The following ZMAT4 variants were observed in gnomAD, a reference collection of about 807,000 sequenced individuals.
ZMAT4 encodes zinc finger matrin-type protein 4.
ZMAT4 carries 17 observed loss-of-function variants against 28.7 expected under a neutral mutation model. That is an observed-to-expected ratio of 0.59 (90% CI 0.41 to 0.89). ZMAT4 has a LOEUF of 0.89. Ranked by LOEUF, ZMAT4 falls within the 40% of genes least tolerant of loss-of-function variation. ZMAT4 has a pLI of 0.00. For synonymous variants in ZMAT4, 117 were observed against 109.2 expected (o/e 1.07, Z -0.44); for missense variants, 240 against 283.8 (o/e 0.85, Z 1.11).
intron 4 of ZMAT4, 50 bp downstream of exon 4, chr8:40,697,195 C>G: frequency 6.6e-7 from 1 of 1,516,286 alleles, no homozygotes. Flanking sequence ...GCAAGACAGG[C>G]CAGCACTTGG....
chr8:40,634,710 C>T (rs1806726759), intron 5 of ZMAT4, among the ~76,000 whole-genome samples: 1 of 152,114 alleles, frequency 6.6e-6, no homozygotes, highest in Non-Finnish European at 1.5e-5. Flanking sequence ...GATCTTAAGA[C>T]CAATTACCTT....
intron 5 of ZMAT4, among the ~76,000 whole-genome samples, chr8:40,668,403 G>A (rs1291771484): frequency 6.6e-6 from 1 of 150,454 alleles, no homozygotes; most frequent in Non-Finnish European, 1.5e-5. Flanking sequence ...CCAGGAGGCG[G>A]AGGTTGCAGT....
At chr8:40,753,716 C>T (rs562809725) in intron 3 of ZMAT4, among the ~76,000 whole-genome samples, 2 of 152,250 alleles carry the variant, frequency 1.3e-5, no homozygotes, top group East Asian at 3.9e-4. Flanking sequence ...GTTCTAGAGC[C>T]AAACAGTATT....
At chr8:40,729,783 G>C (rs1260886226) in intron 3 of ZMAT4, among the ~76,000 whole-genome samples, 2 of 152,022 alleles carry the variant, frequency 1.3e-5, no homozygotes, top group African/African-American at 4.8e-5. Context: ...ATTTTGAGGA[G>C]AGATGGAGTT....
intron 2 of ZMAT4, among the ~76,000 whole-genome samples, chr8:40,820,649 A>C (rs2150605582): frequency 1.0e-5 from 1 of 98,694 alleles, no homozygotes; most frequent in South Asian, 3.7e-4. Context: ...TGTCTCGGGC[A>C]TGTGTGTGTT....
intron 3 of ZMAT4, among the ~76,000 whole-genome samples, chr8:40,739,934 T>C (rs946727195): frequency 1.3e-5 from 2 of 152,202 alleles, no homozygotes; most frequent in African/African-American, 4.8e-5. Context: ...CTGACAATGA[T>C]GGTTTCCAGC....
intron 6 of ZMAT4, among the ~76,000 whole-genome samples, chr8:40,553,191 C>T (rs898125309): frequency 2.0e-5 from 3 of 152,284 alleles, no homozygotes; most frequent in African/African-American, 7.2e-5. Flanking sequence ...TGCCCACAGC[C>T]GTGTGAGTGC....
intron 1 of ZMAT4, among the ~76,000 whole-genome samples, chr8:40,881,377 G>T (rs1215969120): frequency 6.7e-6 from 1 of 148,834 alleles, no homozygotes; most frequent in Non-Finnish European, 1.5e-5. Flanking sequence ...AACAGAGCAA[G>T]ACTCTGTCAA....
intron 6 of ZMAT4, among the ~76,000 whole-genome samples, chr8:40,532,848 T>G (rs1802734563): frequency 6.6e-6 from 1 of 152,012 alleles, no homozygotes; most frequent in South Asian, 2.1e-4. Flanking sequence ...ATACAAAAAT[T>G]AGCTGGGCAT....
At chr8:40,645,883 T>TATA (rs1490026049) in intron 5 of ZMAT4, among the ~76,000 whole-genome samples, 1 of 152,118 alleles carries the variant, frequency 6.6e-6, no homozygotes, top group African/African-American at 2.4e-5. Context: ...ATATAATGTA[T>TATA]ATAGCAATGT....
intron 3 of ZMAT4, among the ~76,000 whole-genome samples, chr8:40,741,742 C>A (rs750286286): frequency 1.3e-5 from 2 of 152,090 alleles, no homozygotes; most frequent in Admixed American, 6.5e-5. Context: ...GTGGCAATGA[C>A]AAGTGTCGGA....
At chr8:40,637,487 T>C (rs1458495803) in intron 5 of ZMAT4, among the ~76,000 whole-genome samples, 1 of 152,158 alleles carries the variant, frequency 6.6e-6, no homozygotes, top group Non-Finnish European at 1.5e-5. Context: ...TTCCTTCAAG[T>C]TGTGCACCTA....
At chr8:40,833,557 A>C (rs867577943) in intron 1 of ZMAT4, among the ~76,000 whole-genome samples, 5 of 146,426 alleles carry the variant, frequency 3.4e-5, no homozygotes, top group Non-Finnish European at 6.1e-5. Context: ...AAAAAAAAAA[A>C]AGACATGAAA....
chr8:40,681,035 T>C (rs1043053583), intron 4 of ZMAT4, among the ~76,000 whole-genome samples: 1 of 152,170 alleles, frequency 6.6e-6, no homozygotes, highest in African/African-American at 2.4e-5. Context: ...ACTATGTCTG[T>C]TCCTTGTGTT....
intron 5 of ZMAT4, among the ~76,000 whole-genome samples, chr8:40,584,970 C>G (rs1030171627): frequency 1.3e-5 from 2 of 152,118 alleles, no homozygotes; most frequent in African/African-American, 4.8e-5. Context: ...TCCAATGAGT[C>G]CTGCTCCCTG....
At chr8:40,567,086 G>C (rs975864366) in intron 6 of ZMAT4, among the ~76,000 whole-genome samples, 4 of 152,100 alleles carry the variant, frequency 2.6e-5, no homozygotes, top group Admixed American at 1.3e-4. Flanking sequence ...ACTTACATAA[G>C]GAAGAGAAAA....
At chr8:40,842,861 C>T (rs546186274) in intron 1 of ZMAT4, among the ~76,000 whole-genome samples, 2 of 152,244 alleles carry the variant, frequency 1.3e-5, no homozygotes, top group South Asian at 2.1e-4. Flanking sequence ...CTGCAATCTC[C>T]GCCCCCGAGG....
intron 5 of ZMAT4, among the ~76,000 whole-genome samples, chr8:40,593,608 T>C (rs1296860449): frequency 2.0e-5 from 3 of 152,202 alleles, no homozygotes; most frequent in Non-Finnish European, 4.4e-5. Flanking sequence ...ACCTCCACTT[T>C]AGAGCTTTAC....
chr8:40,707,906 C>T (rs560504326), intron 3 of ZMAT4, among the ~76,000 whole-genome samples: 3 of 152,114 alleles, frequency 2.0e-5, no homozygotes, highest in Admixed American at 6.5e-5. Context: ...AAATATCTAT[C>T]GATTGATGAA....
Sources: gnomAD v4.1 joint callset for allele counts (sites outside exome capture counted in the v4.1 genomes callset) on GRCh38, gnomAD v4.1.1 for gene constraint, MANE v1.5 for transcripts, NCBI Gene and HGNC (gene_info 2026-07-23, HGNC 2026-07-21) for gene names.